Variants in AMMECR1 observed in about 807,000 individuals in gnomAD.
The protein encoded by AMMECR1 is AMMECR nuclear protein 1.
Under a neutral mutation model 22.5 loss-of-function variants are expected in AMMECR1, and 3 were observed. That is an observed-to-expected ratio of 0.13 (90% CI 0.06 to 0.35). AMMECR1 has a LOEUF of 0.35. AMMECR1 is among the 10% of genes least tolerant of loss of function. The pLI, the probability that AMMECR1 is intolerant of heterozygous loss-of-function variation, is 1.00. For missense variants in AMMECR1, 235 were observed against 278.7 expected (o/e 0.84, Z 1.12); for synonymous variants, 130 against 116.7 (o/e 1.11, Z -0.74).
At chrX:110,358,368 G>T (rs1460582495) in intron 2 of AMMECR1, among the ~76,000 whole-genome samples, 1 of 111,319 alleles carries the variant, frequency 9.0e-6, no homozygotes, top group African/African-American at 3.3e-5. Context: ...TCTAGAGTTG[G>T]GAAAATCGAG....
intron 2 of AMMECR1, among the ~76,000 whole-genome samples, chrX:110,229,763 C>G (rs940531366): frequency 8.9e-6 from 1 of 112,035 alleles, no homozygotes; most frequent in Non-Finnish European, 1.9e-5. Context: ...CAAGGGAAGC[C>G]GTGACAGACT....
intron 1 of AMMECR1, among the ~76,000 whole-genome samples, chrX:110,299,684 T>G (rs1335531332): frequency 9.0e-6 from 1 of 111,702 alleles, no homozygotes; most frequent in Non-Finnish European, 1.9e-5. Flanking sequence ...GTTTGTATCC[T>G]TGCTCAGTAT....
chrX:110,303,117 G>C (rs144682327), intron 1 of AMMECR1, among the ~76,000 whole-genome samples: 2 of 111,482 alleles, frequency 1.8e-5, no homozygotes, highest in Non-Finnish European at 3.8e-5. Context: ...GAAAGTGAAA[G>C]AAACCTTAAA....
chrX:110,359,431 A>G (rs1281834396), intron 2 of AMMECR1, among the ~76,000 whole-genome samples: 2 of 111,166 alleles, frequency 1.8e-5, no homozygotes, highest in Non-Finnish European at 3.8e-5. Context: ...TTTTCCATAA[A>G]TTATCCCATC....
At chrX:110,343,788 GA>G (rs2068175672) in intron 2 of AMMECR1, among the ~76,000 whole-genome samples, 1 of 110,601 alleles carries the variant, frequency 9.0e-6, no homozygotes. Context: ...ACTTACAAGG[GA>G]TGTGAAGGAC....
At chrX:110,343,449 C>G (rs886207257) in intron 2 of AMMECR1, among the ~76,000 whole-genome samples, 3 of 111,290 alleles carry the variant, frequency 2.7e-5, no homozygotes, top group Non-Finnish European at 3.8e-5. Flanking sequence ...GGGATGCCCT[C>G]TCTCACCACT....
At position 110,371,360 on chromosome X, in the gene AMMECR1, G is replaced by A. The variant is rs1337998259; in HGVS notation, c.-147-53511C>T. Reference sequence around the variant, plus strand: ...AAATAAACACATCATGAAGAATGGGGTATCCATACCCTCAAGCATTTACTC... The same window carrying A: ...AAATAAACACATCATGAAGAATGGGATATCCATACCCTCAAGCATTTACTC... On this transcript the variant is annotated intron_variant, in intron 2 of 7. Coordinates refer to the AMMECR1 transcript ENST00000372057. Among the ~76,000 whole-genome samples, 4 of 111,737 alleles carry A rather than the reference G, an allele frequency of 3.6e-5. No individual in the cohort carries two copies. The Admixed American group carries it at 3.8e-4, about 11-fold the overall frequency.
At chrX:110,389,947 A>G (rs1469489948) in intron 2 of AMMECR1, among the ~76,000 whole-genome samples, 2 of 112,204 alleles carry the variant, frequency 1.8e-5, no homozygotes, top group Non-Finnish European at 3.8e-5. Flanking sequence ...TTATTTCACC[A>G]AGGACAGAGT....
At chrX:110,405,823 A>T in intron 2 of AMMECR1, among the ~76,000 whole-genome samples, 1 of 111,843 alleles carries the variant, frequency 8.9e-6, no homozygotes, top group East Asian at 2.8e-4. Context: ...ACGCAGATCC[A>T]CCTGACACCA....
At chrX:110,400,932 A>C (rs577707579) in intron 2 of AMMECR1, among the ~76,000 whole-genome samples, 30 of 111,882 alleles carry the variant, frequency 2.7e-4, no homozygotes, top group African/African-American at 9.4e-4. Flanking sequence ...CAGGGCTTTT[A>C]AATTTGGACT....
chrX:110,340,430 G>A lies in AMMECR1; in HGVS notation c.-147-22581C>T, dbSNP rs573894240. On this transcript the variant is annotated intron_variant, in intron 2 of 7. Transcript: ENST00000372057. Reference sequence around the variant, plus strand: ...AATATATGCAGGTGAAGAGGCACCAGAACATAAGCCTGCCTGGGGCATCCA... The same window carrying A: ...AATATATGCAGGTGAAGAGGCACCAAAACATAAGCCTGCCTGGGGCATCCA... Among the ~76,000 whole-genome samples, 9 of 112,095 alleles carry A rather than the reference G, an allele frequency of 8.0e-5. No homozygotes were observed. In the South Asian group the frequency reaches 3.4e-3, roughly 42 times the overall value.
At chrX:110,367,900 C>CT (rs1305966962) in intron 2 of AMMECR1, among the ~76,000 whole-genome samples, 17 of 109,707 alleles carry the variant, frequency 1.5e-4, no homozygotes, top group Non-Finnish European at 2.8e-4. Flanking sequence ...CTTCAGACTC[C>CT]TGGGCTCAAG....
intron 2 of AMMECR1, among the ~76,000 whole-genome samples, chrX:110,328,332 C>T (rs769012789): frequency 1.6e-4 from 18 of 111,266 alleles, no homozygotes; most frequent in South Asian, 1.5e-3. Flanking sequence ...TAAAAGAATG[C>T]GTCTAATTAA....
intron 2 of AMMECR1, among the ~76,000 whole-genome samples, chrX:110,422,344 C>T (rs780532963): frequency 8.9e-6 from 1 of 112,851 alleles, no homozygotes; most frequent in East Asian, 2.8e-4. Flanking sequence ...CTCAGTGTAA[C>T]CACAGGCAGA....
chrX:110,211,452 G>A (rs1320358930), intron 3 of AMMECR1, among the ~76,000 whole-genome samples: 1 of 111,929 alleles, frequency 8.9e-6, no homozygotes, highest in Non-Finnish European at 1.9e-5. Context: ...AAGGAAACAT[G>A]GCTCCCAAAC....
At chrX:110,295,955 TA>T (rs2067933717) in intron 1 of AMMECR1, among the ~76,000 whole-genome samples, 1 of 112,108 alleles carries the variant, frequency 8.9e-6, no homozygotes, top group Admixed American at 9.5e-5. Context: ...AGAAGAGTTA[TA>T]AACAAACATA....
At chrX:110,393,774 C>T (rs1189643913) in intron 2 of AMMECR1, among the ~76,000 whole-genome samples, 1 of 112,619 alleles carries the variant, frequency 8.9e-6, no homozygotes, top group African/African-American at 3.2e-5. Flanking sequence ...TGTCCATGGA[C>T]AGGATGGCGT....
chrX:110,381,999 T>C (rs192498552), intron 2 of AMMECR1, among the ~76,000 whole-genome samples: 15 of 110,918 alleles, frequency 1.4e-4, no homozygotes, highest in Non-Finnish European at 9.4e-5. Context: ...ACCCCCTGAA[T>C]CTAAAATAAA....
At chrX:110,348,964 G>A (rs1015135286) in intron 2 of AMMECR1, among the ~76,000 whole-genome samples, 2 of 112,040 alleles carry the variant, frequency 1.8e-5, no homozygotes, top group African/African-American at 6.5e-5. Context: ...AGCCCCTTAT[G>A]CCATTTGCTG....
Sources: allele counts gnomAD v4.1 joint callset (sites outside exome capture counted in the v4.1 genomes callset), GRCh38; gene constraint gnomAD v4.1.1; transcripts MANE v1.5; gene names NCBI Gene and HGNC (gene_info 2026-07-23, HGNC 2026-07-21).